The following DSCAM variants were observed in gnomAD, a reference collection of about 807,000 sequenced individuals.
DSCAM encodes the protein DS cell adhesion molecule.
A neutral mutation model predicts 217.7 loss-of-function variants in DSCAM; 47 were observed. The ratio of observed to expected loss-of-function variants is 0.22; its 90% CI spans 0.17 to 0.28. DSCAM has a LOEUF of 0.28. Among genes scored for constraint, DSCAM ranks in the 10% least tolerant of loss-of-function variants. The probability of loss-of-function intolerance (pLI) is 1.00; values close to 1 mark genes in which losing one functional copy is unlikely to be tolerated. For synonymous variants in DSCAM, 1,056 were observed against 1,015.3 expected, an observed-to-expected ratio of 1.04 and a Z score of -0.76; for missense variants, 2,080 against 2,618.3, an observed-to-expected ratio of 0.79 and a Z score of 4.49.
intron 2 of DSCAM, among the ~76,000 whole-genome samples, chr21:40,693,587 A>AT (rs147500798): frequency 0.048 from 7,312 of 151,754 alleles, 356 homozygotes; most frequent in African/African-American, 0.13. Context: ...GCCGAGGAAG[A>AT]TTTTTTTTTC....
At chr21:40,083,625 A>G (rs1458009090) in intron 24 of DSCAM, among the ~76,000 whole-genome samples, 1 of 152,244 alleles carries the variant, frequency 6.6e-6, no homozygotes, top group Non-Finnish European at 1.5e-5. Context: ...CAGTGTTTAG[A>G]ATCTCAAAAA....
chr21:40,758,184 G>A (rs1479337253), intron 1 of DSCAM, among the ~76,000 whole-genome samples: 1 of 151,556 alleles, frequency 6.6e-6, no homozygotes, highest in Admixed American at 6.6e-5. Flanking sequence ...GCTTCAGAGG[G>A]AGACCACCGT....
intron 1 of DSCAM, among the ~76,000 whole-genome samples, chr21:40,764,513 T>A (rs2091368109): frequency 6.6e-6 from 1 of 152,112 alleles, no homozygotes; most frequent in Non-Finnish European, 1.5e-5. Flanking sequence ...GAGTGTAAAT[T>A]AGTTCAACCA....
At chr21:40,628,485 C>T (rs2089634049) in intron 3 of DSCAM, among the ~76,000 whole-genome samples, 1 of 152,154 alleles carries the variant, frequency 6.6e-6, no homozygotes, top group African/African-American at 2.4e-5. Context: ...GTAAATAAAT[C>T]CGTATTGGAA....
chr21:40,429,260 G>T (rs2075506647), intron 3 of DSCAM, among the ~76,000 whole-genome samples: 1 of 149,980 alleles, frequency 6.7e-6, no homozygotes, highest in African/African-American at 2.4e-5. Flanking sequence ...ATTGTATCAA[G>T]TTTTTTGTGC....
At chr21:40,539,940 C>T (rs1010161175) in intron 3 of DSCAM, among the ~76,000 whole-genome samples, 1 of 152,066 alleles carries the variant, frequency 6.6e-6, no homozygotes, top group Non-Finnish European at 1.5e-5. Context: ...TTCCTAGATG[C>T]TATGGAAAAA....
At chr21:40,107,098 G>A (rs1022336093) in intron 20 of DSCAM, among the ~76,000 whole-genome samples, 6 of 152,024 alleles carry the variant, frequency 3.9e-5, no homozygotes, top group Admixed American at 6.6e-5. Flanking sequence ...ACTTTTTGAC[G>A]TGGGCATTTA....
chr21:40,061,587 A>T (rs1445429109), intron 28 of DSCAM, among the ~76,000 whole-genome samples: 1 of 40,372 alleles, frequency 2.5e-5, no homozygotes, highest in African/African-American at 7.7e-5. Flanking sequence ...AAAAAAAAAG[A>T]AAAAGGAAAA....
intron 6 of DSCAM, among the ~76,000 whole-genome samples, chr21:40,344,436 G>A (rs1417194378): frequency 2.0e-5 from 3 of 152,090 alleles, no homozygotes; most frequent in Non-Finnish European, 4.4e-5. Flanking sequence ...GTGCAGGGCT[G>A]CTGACATTAT....
chr21:40,139,085 TATGTGGG>T (rs2146705122), intron 18 of DSCAM, among the ~76,000 whole-genome samples: 1 of 141,982 alleles, frequency 7.0e-6, no homozygotes, highest in South Asian at 2.3e-4. Context: ...TATGCATGAG[TATGTGGG>T]ATGTGTGGTG....
intron 11 of DSCAM, among the ~76,000 whole-genome samples, chr21:40,238,285 C>T (rs2073104719): frequency 2.0e-5 from 3 of 152,216 alleles, no homozygotes; most frequent in African/African-American, 7.2e-5. Flanking sequence ...GTGAAAACGA[C>T]CCTTGGACAT....
intron 3 of DSCAM, among the ~76,000 whole-genome samples, chr21:40,432,079 T>C (rs1405574683): frequency 6.6e-6 from 1 of 152,052 alleles, no homozygotes; most frequent in East Asian, 1.9e-4. Flanking sequence ...GGTGGGTGCC[T>C]GTAATTTCAG....
chr21:40,317,550 C>T (rs573776831), intron 8 of DSCAM, among the ~76,000 whole-genome samples: 8 of 151,706 alleles, frequency 5.3e-5, no homozygotes, highest in East Asian at 1.9e-4. Flanking sequence ...CTTTTTTAAA[C>T]GGAGTTTTCA....
rs145583438 is a variant in DSCAM, at chr21:40,379,419, A to C, written c.509-10174T>G. ...GCTGTCGGGAGTAGATGCGTCAAAG[A>C]GGGCTTTTATTATGCTTGCTTTTCA... On this transcript the variant is annotated intron_variant, in intron 3 of 32. Transcript: ENST00000400454. 6.6e-3 allele frequency among the ~76,000 whole-genome samples: 1,000 copies of C among 152,320 alleles called. 11 individuals are homozygous for C. The highest frequency in any genetic ancestry group is 0.023 in the African/African-American group (940 of 41,566).
intron 2 of DSCAM, among the ~76,000 whole-genome samples, chr21:40,707,961 T>C (rs546790944): frequency 6.6e-6 from 1 of 152,352 alleles, no homozygotes; most frequent in Non-Finnish European, 1.5e-5. Context: ...TCAAAAATGT[T>C]AAAATAGCCT....
chr21:40,543,546 T>C (rs1414326714), intron 3 of DSCAM, among the ~76,000 whole-genome samples: 1 of 151,936 alleles, frequency 6.6e-6, no homozygotes, highest in Non-Finnish European at 1.5e-5. Context: ...TTCACACCTT[T>C]ATTCATACCT....
intron 10 of DSCAM, among the ~76,000 whole-genome samples, chr21:40,280,627 C>G (rs1003846320): frequency 7.2e-5 from 11 of 152,020 alleles, no homozygotes; most frequent in African/African-American, 2.7e-4. Flanking sequence ...AATTTTTTGT[C>G]AAAAATTCAA....
chr21:40,786,036 AG>A (rs2123447588), intron 1 of DSCAM, among the ~76,000 whole-genome samples: 1 of 152,318 alleles, frequency 6.6e-6, no homozygotes, highest in South Asian at 2.1e-4. Context: ...CAGGAGTTCC[AG>A]GCCAGCCTGA....
chr21:40,827,468 C>CAAAAAAAAAAAAAAAAA (rs55906607), intron 1 of DSCAM, among the ~76,000 whole-genome samples: 1 of 57,146 alleles, frequency 1.7e-5, no homozygotes, highest in African/African-American at 6.0e-5. Context: ...GTCCATGTCT[C>CAAAAAAAAAAAAAAAAA]AAAAAAAAAA....
Sources: gnomAD v4.1 joint callset for allele counts (sites outside exome capture counted in the v4.1 genomes callset) on GRCh38, gnomAD v4.1.1 for gene constraint, MANE v1.5 for transcripts, NCBI Gene and HGNC (gene_info 2026-07-23, HGNC 2026-07-21) for gene names.